The following CAPN11 variants were observed in gnomAD, a reference collection of about 807,000 sequenced individuals.
CAPN11 encodes the protein calpain 11.
A neutral mutation model predicts 105.3 loss-of-function variants in CAPN11; 108 were observed. The observed-to-expected ratio is 1.03, with a 90% CI of 0.88 to 1.20. The LOEUF (loss-of-function observed/expected upper bound fraction) is 1.20. Among genes scored for constraint, CAPN11 ranks in the 50% most tolerant of loss-of-function variants. The pLI, the probability that CAPN11 is intolerant of heterozygous loss-of-function variation, is 0.00. For missense variants in CAPN11, 883 were observed against 924.8 expected, an observed-to-expected ratio of 0.95 and a Z score of 0.59; for synonymous variants, 329 against 344.5, an observed-to-expected ratio of 0.96 and a Z score of 0.50.
At chr6:44,179,733 G>A in intron 13 of CAPN11, 103 bp downstream of exon 13, 2 of 1,240,148 alleles carry the variant, frequency 1.6e-6, no homozygotes, top group Admixed American at 3.4e-5. Context: ...GAGGCTCTGG[G>A]GGTCACTGGG....
At chr6:44,164,879 G>GTTTTA (rs1171418568) in intron 1 of CAPN11, among the ~76,000 whole-genome samples, 1 of 150,430 alleles carries the variant, frequency 6.6e-6, no homozygotes, top group Non-Finnish European at 1.5e-5. Context: ...TTTATGTTAT[G>GTTTTA]TTTTATTTAT....
At position 44,172,369 on chromosome 6, in the gene CAPN11, G is replaced by T. The variant is rs576347559; in HGVS notation, c.477G>T (p.Val159=). ...GCCCCAAACTGCTATACCGCGTGGT[G>T]CCCAGAGGACAGAGCTTCAAGAAAA... The part of the protein sequence containing the change: ...TTCPKLLYRV[V]PRGQSFKKNY... The change falls in exon 5 of 23, where the codon GTG becomes GTT. Residue 159 remains valine (V), a synonymous_variant. Coordinates refer to ENST00000398776, the MANE Select transcript of CAPN11 (RefSeq NM_007058.4). 4.8e-5 allele frequency: 75 copies of T among 1,561,970 alleles called. No homozygotes were observed. The highest frequency in any genetic ancestry group is 6.2e-5 in the Non-Finnish European group (71 of 1,153,294).
intron 19 of CAPN11, 40 bp downstream of exon 19, chr6:44,181,360 AAG>A (rs1773103879): frequency 1.2e-5 from 19 of 1,580,648 alleles, no homozygotes; most frequent in Non-Finnish European, 1.6e-5. Context: ...GGGTGAGGAA[AAG>A]AGGGTCTTAG....
Position 44,176,237 on chromosome 6 carries a change from A to G in CAPN11, c.916-16A>G, listed in dbSNP as rs533169340. 1.4e-6 allele frequency: 2 copies of G among 1,459,410 alleles called. No individual in the cohort carries two copies. The highest frequency in any genetic ancestry group is 3.2e-5 in the African/African-American group (2 of 62,252). The allele number at this position is 1,459,410 out of a possible 1,614,324, so 90.4% of individuals were successfully genotyped here. A position where few individuals can be genotyped will look rare whatever the true frequency, so the allele number is the denominator to read the frequency against. ...GACCCCATAACTCTGACCTTTAACCACCCCCGCCCACCCAGGTCCACTACA... is the reference window on the plus strand; with the variant it reads ...GACCCCATAACTCTGACCTTTAACCGCCCCCGCCCACCCAGGTCCACTACA... On this transcript the variant is annotated splice_polypyrimidine_tract_variant and intron_variant, in intron 8 of 22. Coordinates refer to ENST00000398776, the MANE Select transcript of CAPN11 (RefSeq NM_007058.4).
At chr6:44,160,643 A>T (rs1768612657) in intron 1 of CAPN11, among the ~76,000 whole-genome samples, 2 of 152,092 alleles carry the variant, frequency 1.3e-5, no homozygotes, top group African/African-American at 4.8e-5. Context: ...AACAACAACA[A>T]CAACAACAAC....
At chr6:44,166,956 G>T (rs1312838119) in intron 2 of CAPN11, 127 bp downstream of exon 2, 6 of 507,908 alleles carry the variant, frequency 1.2e-5, no homozygotes, top group East Asian at 4.4e-5. Context: ...GCGGCGGGGG[G>T]AGGGGAGGCT....
intron 1 of CAPN11, among the ~76,000 whole-genome samples, chr6:44,162,578 T>C (rs1013758126): frequency 3.3e-5 from 5 of 152,078 alleles, no homozygotes; most frequent in African/African-American, 1.2e-4. Context: ...TTCCCAGCCC[T>C]GATGCTTCCA....
intron 14 of CAPN11, 81 bp downstream of exon 14, chr6:44,180,244 C>A (rs1772900867): frequency 6.4e-6 from 7 of 1,094,660 alleles, no homozygotes; most frequent in Non-Finnish European, 8.1e-6. Context: ...GCTGTCGGGT[C>A]CTCCCTCACT....
intron 21 of CAPN11, 118 bp from the exon 22 acceptor site, chr6:44,183,587 T>TAA: frequency 1.1e-6 from 1 of 927,998 alleles, no homozygotes; most frequent in Non-Finnish European, 1.7e-6. Flanking sequence ...GCTAGGGGAT[T>TAA]TATGTGGGGA....
chr6:44,159,871 A>G (rs1019294913), intron 1 of CAPN11, among the ~76,000 whole-genome samples: 3 of 151,982 alleles, frequency 2.0e-5, no homozygotes, highest in African/African-American at 7.3e-5. Context: ...ACAGTGGTTC[A>G]CGCCTGTAAT....
In CAPN11 at chr6:44,167,901, G is replaced by A. The variant is rs570617667; in HGVS notation, c.88+1072G>A. Among the ~76,000 whole-genome samples the A allele has an allele frequency of 5.5e-4, 76 of 138,854 alleles. 1 individual carries two copies. Among genetic ancestry groups the A allele is most frequent in the Non-Finnish European group, 1.1e-4 (7 of 65,196 alleles). The allele number at this position is 138,854 out of a possible 152,430, so 91.1% of individuals were successfully genotyped here. A position where few individuals can be genotyped will look rare whatever the true frequency, so the allele number is the denominator to read the frequency against. On this transcript the variant is annotated intron_variant, in intron 2 of 22. Coordinates refer to ENST00000398776, the MANE Select transcript of CAPN11 (RefSeq NM_007058.4). The stretch of plus-strand genomic sequence containing the variant: ...ACTGTACTCCAGCCAGGGCAACAGA[G>A]TGAGACTCTGTTTTGAAAAAAAAAA...
chr6:44,172,823 C>G, intron 5 of CAPN11, 117 bp from the exon 6 acceptor site: 1 of 1,208,148 alleles, frequency 8.3e-7, no homozygotes, highest in Non-Finnish European at 1.1e-6. Context: ...CTTTCCCTCT[C>G]TATTCAGTGA....
intron 4 of CAPN11, among the ~76,000 whole-genome samples, chr6:44,170,280 C>T (rs773956488): frequency 4.6e-5 from 7 of 152,164 alleles, no homozygotes; most frequent in Non-Finnish European, 7.3e-5. Context: ...TCTTATCTCA[C>T]GGTTCCTGTG....
intron 12 of CAPN11, 114 bp from the exon 13 acceptor site, chr6:44,179,505 C>T: frequency 1.1e-6 from 1 of 942,280 alleles, no homozygotes; most frequent in Non-Finnish European, 1.7e-6. Flanking sequence ...CCTTAATACC[C>T]CTCCAACAAC....
chr6:44,178,558 G>A (rs1048173663), intron 12 of CAPN11, among the ~76,000 whole-genome samples: 1 of 151,944 alleles, frequency 6.6e-6, no homozygotes, highest in Non-Finnish European at 1.5e-5. Flanking sequence ...ACAGACACAA[G>A]CCTTGCCCTA....
At chr6:44,178,663 T>A (rs1327050096) in intron 12 of CAPN11, among the ~76,000 whole-genome samples, 1 of 149,758 alleles carries the variant, frequency 6.7e-6, no homozygotes, top group Admixed American at 6.7e-5. Context: ...TCCCAGCACT[T>A]TGAGAGGCCG....
intron 13 of CAPN11, 23 bp downstream of exon 13, chr6:44,179,653 G>A: frequency 6.2e-7 from 1 of 1,611,702 alleles, no homozygotes; most frequent in Non-Finnish European, 8.5e-7. Context: ...AAGATGTGGG[G>A]CTTGTTCCTG....
Position 44,176,170 on chromosome 6 carries a change from G to A in CAPN11, c.915+19G>A, listed in dbSNP as rs181018803. Reference sequence around the variant, plus strand: ...TCAGGATGTGAGTCCTGAGAAATGCGCCCTACCCTGAGGACCCTGAGAAGG... The same window carrying A: ...TCAGGATGTGAGTCCTGAGAAATGCACCCTACCCTGAGGACCCTGAGAAGG... On this transcript the variant is annotated intron_variant, in intron 8 of 22. Coordinates refer to ENST00000398776, the MANE Select transcript of CAPN11 (RefSeq NM_007058.4). The A allele has an allele frequency of 3.7e-4, 527 of 1,439,724 alleles. 2 individuals carry two copies. In the African/African-American group the frequency reaches 5.7e-3, roughly 15 times the overall value. 89.2% of individuals were successfully genotyped at this position (1,439,724 alleles called of 1,614,324 possible).
chr6:44,173,354 G>T lies in CAPN11; in HGVS notation c.799G>T (p.Glu267Ter). 6.2e-7 allele frequency: 1 copy of T among 1,613,130 alleles called. No homozygotes were observed. Among genetic ancestry groups the T allele is most frequent in the Non-Finnish European group, 8.5e-7 (1 of 1,179,584 alleles). Residue 267 changes from glutamate to a stop codon, truncating the protein, a stop_gained, in exon 7 of 23, where the codon GAG becomes TAG. Transcript: ENST00000398776. LOFTEE classifies it high-confidence loss of function. Reference sequence around the variant, plus strand: ...GCTCAGGCTCCTTAGGAAGGCCGTGGAGCGATCCTCCCTCATGGGTTGCTC... The same window carrying T: ...GCTCAGGCTCCTTAGGAAGGCCGTGTAGCGATCCTCCCTCATGGGTTGCTC... Reference protein sequence around the residue: ...NLLRLLRKAVERSSLMGCSIE... With the variant: ...NLLRLLRKAV
Sources: allele counts gnomAD v4.1 joint callset (sites outside exome capture counted in the v4.1 genomes callset), GRCh38; gene constraint gnomAD v4.1.1; transcripts MANE v1.5; gene names NCBI Gene and HGNC (gene_info 2026-07-23, HGNC 2026-07-21).